C12orf54: variants seen among roughly 807,000 people sequenced by gnomAD.
The protein encoded by C12orf54 is uncharacterized protein C12orf54.
A neutral mutation model predicts 26.4 loss-of-function variants in C12orf54; 24 were observed. That is an observed-to-expected ratio of 0.91 (90% confidence interval 0.66 to 1.28). The LOEUF (loss-of-function observed/expected upper bound fraction) is 1.28, where lower values mean the gene tolerates loss of function less well. C12orf54 is among the 50% of genes most tolerant of loss of function. C12orf54 has a pLI of 0.00. For missense variants in C12orf54, 154 were observed against 150.9 expected (o/e 1.02, Z -0.11); for synonymous variants, 54 against 47.0 (o/e 1.15, Z -0.61).
chr12:48,447,124 T>C, the C12orf54 span, among the ~76,000 whole-genome samples: 1 of 152,222 alleles, frequency 6.6e-6, no homozygotes, highest in East Asian at 1.9e-4. Flanking sequence ...ATCACTACAC[T>C]GTCTTCTGTC....
chr12:48,444,910 C>T, the C12orf54 span, among the ~76,000 whole-genome samples: 3 of 152,174 alleles, frequency 2.0e-5, no homozygotes, highest in Admixed American at 6.5e-5. Flanking sequence ...CAGTGGCTCA[C>T]GCCTGTAATC....
At chr12:48,429,323 T>C in the C12orf54 span, among the ~76,000 whole-genome samples, 3 of 151,882 alleles carry the variant, frequency 2.0e-5, no homozygotes, top group African/African-American at 7.3e-5. Context: ...GTCATAGCAA[T>C]CAGACAAGAG....
At chr12:48,468,916 G>T in the C12orf54 span, among the ~76,000 whole-genome samples, 9 of 152,208 alleles carry the variant, frequency 5.9e-5, no homozygotes, top group South Asian at 1.7e-3. Flanking sequence ...ATGTCGGCAG[G>T]TTCCATGATG....
chr12:48,474,475 G>C, the C12orf54 span, among the ~76,000 whole-genome samples: 1 of 152,168 alleles, frequency 6.6e-6, no homozygotes, highest in Non-Finnish European at 1.5e-5. Flanking sequence ...AAGGGGTCAG[G>C]GAATTCCCTT....
chr12:48,480,102 A>G (rs541901209), upstream of C12orf54, among the ~76,000 whole-genome samples: 15 of 152,332 alleles, frequency 9.8e-5, 1 homozygote, highest in South Asian at 3.1e-3. Flanking sequence ...AAAAAGTTAT[A>G]AAGTTACCAA....
At chr12:48,429,716 A>G in the C12orf54 span, among the ~76,000 whole-genome samples, 1 of 152,216 alleles carries the variant, frequency 6.6e-6, no homozygotes. Context: ...GGTAGAATCA[A>G]TATTGTGAAA....
chr12:48,439,195 G>A, the C12orf54 span, among the ~76,000 whole-genome samples: 1 of 152,194 alleles, frequency 6.6e-6, no homozygotes, highest in Non-Finnish European at 1.5e-5. Context: ...AAACCACAAT[G>A]AGATACCATC....
At chr12:48,416,325 C>G in the C12orf54 span, among the ~76,000 whole-genome samples, 1 of 152,162 alleles carries the variant, frequency 6.6e-6, no homozygotes, top group East Asian at 1.9e-4. Flanking sequence ...CTTTTTTACC[C>G]ATCGCTTGCT....
In C12orf54 at chr12:48,492,806, G is replaced by A. The variant is rs902584414; in HGVS notation, c.194-141G>A. On this transcript the variant is annotated intron_variant, in intron 6 of 8. Coordinates refer to ENST00000548364, the MANE Select transcript of C12orf54 (RefSeq NM_152319.4). ...ACATTCTGCAACTGCCTCTCTGATG[G>A]GCCTGTTAGGTGGTCAGTGTCCCTT... is the stretch of plus-strand genomic sequence containing the variant. The A allele has an allele frequency of 1.1e-4, 72 of 681,212 alleles. No homozygotes were observed. In the African/African-American group the frequency reaches 1.2e-3, roughly 11 times the overall value. 42.2% of individuals were successfully genotyped at this position (681,212 alleles called of 1,614,324 possible).
chr12:48,440,109 C>T, the C12orf54 span, among the ~76,000 whole-genome samples: 1 of 151,858 alleles, frequency 6.6e-6, no homozygotes, highest in Admixed American at 6.6e-5. Flanking sequence ...CCTGTAATCC[C>T]AGCTACTCGG....
chr12:48,460,125 A>G, the C12orf54 span, among the ~76,000 whole-genome samples: 1 of 152,170 alleles, frequency 6.6e-6, no homozygotes, highest in Non-Finnish European at 1.5e-5. Flanking sequence ...ACCAATGCTG[A>G]AGACAAGCCT....
chr12:48,446,253 C>T, the C12orf54 span, among the ~76,000 whole-genome samples: 1 of 152,084 alleles, frequency 6.6e-6, no homozygotes. Flanking sequence ...TAAGCTCATT[C>T]CTCAAAAGCT....
chr12:48,471,883 G>A, the C12orf54 span, among the ~76,000 whole-genome samples: 8 of 152,090 alleles, frequency 5.3e-5, no homozygotes, highest in African/African-American at 1.4e-4. Context: ...TGTGATGGAT[G>A]ACATTGGTAA....
intron 7 of C12orf54, 103 bp from the exon 8 acceptor site, chr12:48,494,695 G>A (rs1431758097): frequency 8.1e-7 from 1 of 1,235,394 alleles, no homozygotes; most frequent in South Asian, 1.4e-5. Flanking sequence ...ATTCTTGGGG[G>A]AGTGTAATAA....
the C12orf54 span, among the ~76,000 whole-genome samples, chr12:48,460,753 T>C: frequency 5.9e-5 from 9 of 152,076 alleles, no homozygotes; most frequent in Non-Finnish European, 7.4e-5. Context: ...ATATAAGCTA[T>C]AAACCATAAA....
chr12:48,433,251 G>A, the C12orf54 span, among the ~76,000 whole-genome samples: 1 of 152,290 alleles, frequency 6.6e-6, no homozygotes, highest in Non-Finnish European at 1.5e-5. Flanking sequence ...CGGCTACAGT[G>A]CTTGTGCGTT....
chr12:48,453,440 C>G, the C12orf54 span, among the ~76,000 whole-genome samples: 2 of 150,676 alleles, frequency 1.3e-5, no homozygotes, highest in Non-Finnish European at 3.0e-5. Context: ...ACCACCATGG[C>G]AAGTGTTTAC....
At chr12:48,471,661 G>A in the C12orf54 span, among the ~76,000 whole-genome samples, 3 of 152,050 alleles carry the variant, frequency 2.0e-5, no homozygotes, top group Non-Finnish European at 2.9e-5. Context: ...TTAAGTGTAA[G>A]GCTTTATTTC....
upstream of C12orf54, among the ~76,000 whole-genome samples, chr12:48,479,471 C>A (rs550200691): frequency 2.7e-3 from 406 of 152,014 alleles, 4 homozygotes; most frequent in Middle Eastern, 0.054. Flanking sequence ...ATGTAACAAA[C>A]CTGCACGTTG....
Sources: gnomAD v4.1 joint callset for allele counts (sites outside exome capture counted in the v4.1 genomes callset) on GRCh38, gnomAD v4.1.1 for gene constraint, MANE v1.5 for transcripts, NCBI Gene and HGNC (gene_info 2026-07-23, HGNC 2026-07-21) for gene names.